Variants in TPM1 observed in about 807,000 individuals in gnomAD.
TPM1 encodes tropomyosin alpha-1 chain.
A neutral mutation model predicts 42.9 loss-of-function variants in TPM1; 24 were observed. The observed-to-expected ratio is 0.56, with a 90% confidence interval of 0.41 to 0.79. TPM1 has a LOEUF of 0.79. Among genes scored for constraint, TPM1 ranks in the 30% least tolerant of loss-of-function variants. The probability of loss-of-function intolerance (pLI) is 0.00; values close to 1 mark genes in which losing one functional copy is unlikely to be tolerated. For missense variants in TPM1, 158 were observed against 351.8 expected, an observed-to-expected ratio of 0.45 and a Z score of 4.41; for synonymous variants, 136 against 130.1, an observed-to-expected ratio of 1.05 and a Z score of -0.31.
At chr15:63,050,405 A>G (rs2033611482) in intron 2 of TPM1, among the ~76,000 whole-genome samples, 1 of 152,238 alleles carries the variant, frequency 6.6e-6, no homozygotes, top group Admixed American at 6.5e-5. Flanking sequence ...CACCCTGCTA[A>G]GAAAGAGTAT....
intron 3 of TPM1, among the ~76,000 whole-genome samples, chr15:63,058,099 C>G (rs906748078): frequency 6.6e-6 from 1 of 152,144 alleles, no homozygotes; most frequent in Non-Finnish European, 1.5e-5. Flanking sequence ...CATTATTCAC[C>G]GCTGCTTAGT....
At position 63,059,056 on chromosome 15, in the gene TPM1, A is replaced by G. The variant is rs563469719; in HGVS notation, c.375-507A>G. On this transcript the variant is annotated intron_variant, in intron 3 of 9. Transcript: ENST00000403994. ...AAATATCAGCATTCTTTGTGGACTT[A>G]ATAGTTTATTAAATCTAACATTAAG... Among the ~76,000 whole-genome samples, 13 of 152,350 alleles carry G rather than the reference A, an allele frequency of 8.5e-5. No homozygotes were observed. In the East Asian group the frequency reaches 1.9e-3, roughly 23 times the overall value.
chr15:63,062,415 T>C, intron 7 of TPM1, 138 bp downstream of exon 7: 1 of 1,228,528 alleles, frequency 8.1e-7, no homozygotes, highest in Non-Finnish European at 1.2e-6. Context: ...GTTTATGTAC[T>C]GTGCTAACTG....
intron 9 of TPM1, 60 bp from the exon 10 acceptor site, chr15:63,065,836 T>C: frequency 1.3e-6 from 2 of 1,496,942 alleles, no homozygotes; most frequent in Non-Finnish European, 9.0e-7. Flanking sequence ...TTCCTTTCTT[T>C]TTTTTTTTTT....
Position 63,042,936 on chromosome 15 carries a change from G to A in TPM1, c.107G>A (p.Ser36Asn), listed in dbSNP as rs1174194983. 6.3e-7 allele frequency: 1 copy of A among 1,599,606 alleles called. No individual in the cohort carries two copies. The highest frequency in any genetic ancestry group is 1.1e-5 in the South Asian group (1 of 89,136). ...GACAAGAAGGCGGCGGAAGACAGGA[G>A]CAAGCAGGTCTGCGCCTCCCCGGCC... ...EADKKAAEDR[S>N]KQLEDELVSL... Residue 36 changes from serine to asparagine, a missense_variant, in exon 1 of 10, where the codon AGC (serine) becomes AAC (asparagine). This residue lies in a region of TPM1 where 24 missense variants were observed against 26.8 expected (regional missense o/e 0.89). Coordinates refer to ENST00000403994, the MANE Select transcript of TPM1 (RefSeq NM_001018005.2).
chr15:63,070,355 C>T (rs2036546763), downstream of TPM1: 3 of 993,484 alleles, frequency 3.0e-6, no homozygotes, highest in Non-Finnish European at 3.6e-6. Context: ...ACTCATATTC[C>T]TAACTTCTAA....
intron 2 of TPM1, chr15:63,048,558 C>G: frequency 2.0e-6 from 3 of 1,521,002 alleles, no homozygotes; most frequent in Non-Finnish European, 2.6e-6. Context: ...CCCTCCCGCC[C>G]GCCTACCGTC....
At chr15:63,055,061 C>T (rs1448573021) in intron 2 of TPM1, among the ~76,000 whole-genome samples, 1 of 151,230 alleles carries the variant, frequency 6.6e-6, no homozygotes, top group East Asian at 1.9e-4. Flanking sequence ...TTAAAAGACA[C>T]TTCCCTATAA....
downstream of TPM1, among the ~76,000 whole-genome samples, chr15:63,066,424 G>A (rs1171161221): frequency 6.6e-6 from 1 of 152,218 alleles, no homozygotes; most frequent in Non-Finnish European, 1.5e-5. Flanking sequence ...CTTGTTGAGA[G>A]TTGAAAGGTC....
downstream of TPM1, among the ~76,000 whole-genome samples, chr15:63,066,497 T>G (rs1236228151): frequency 6.6e-6 from 1 of 152,134 alleles, no homozygotes; most frequent in Non-Finnish European, 1.5e-5. Context: ...CCCTCTGTGT[T>G]GATTATTTCG....
intron 9 of TPM1, 31 bp downstream of exon 9, chr15:63,064,173 C>T (rs1214090032): frequency 2.5e-6 from 4 of 1,607,950 alleles, no homozygotes; most frequent in Non-Finnish European, 3.4e-6. Context: ...CCTGCTTACA[C>T]CCTGCCCTCA....
chr15:63,045,557 G>A (rs1021207245), intron 2 of TPM1: 1 of 152,170 alleles, frequency 6.6e-6, no homozygotes, highest in African/African-American at 2.4e-5. Context: ...TTTCAAAAGA[G>A]CTGCTAATAG....
rs529327108 is a variant in TPM1 at position 63,065,674 on chromosome 15, C to T, written c.852-222C>T. On this transcript the variant is annotated intron_variant, in intron 9 of 9. Transcript: ENST00000403994. Reference sequence around the variant, plus strand: ...ATTTTTTTTGTTTTTAAATTCTGTTCATGGGTCTTCTTAAAATGGACCCTT... The same window carrying T: ...ATTTTTTTTGTTTTTAAATTCTGTTTATGGGTCTTCTTAAAATGGACCCTT... 5.1e-6 allele frequency: 5 copies of T among 979,650 alleles called. No individual in the cohort carries two copies. The South Asian group carries it at 1.4e-4, about 28-fold the overall frequency. The allele number at this position is 979,650 out of a possible 1,614,324, so 60.7% of individuals were successfully genotyped here.
At chr15:63,048,791 CGCAG>C in intron 2 of TPM1, 1 of 1,494,228 alleles carries the variant, frequency 6.7e-7, no homozygotes, top group Non-Finnish European at 9.0e-7. Context: ...CTTCCCCCCC[CGCAG>C]GCCCCGGTCC....
intron 2 of TPM1, among the ~76,000 whole-genome samples, chr15:63,053,386 T>TGATGTTCC (rs1163901028): frequency 6.6e-6 from 1 of 152,070 alleles, no homozygotes; most frequent in Non-Finnish European, 1.5e-5. Flanking sequence ...AAGGTTTCCG[T>TGATGTTCC]GATGTTCCGG....
downstream of TPM1, chr15:63,069,765 C>T (rs2141032144): frequency 7.0e-7 from 1 of 1,431,100 alleles, no homozygotes; most frequent in South Asian, 1.2e-5. Context: ...AGTTGCTGTC[C>T]TGCTTGAGGT....
At chr15:63,059,239 ATAT>A (rs1021226712) in intron 3 of TPM1, among the ~76,000 whole-genome samples, 2 of 152,214 alleles carry the variant, frequency 1.3e-5, no homozygotes, top group Admixed American at 6.5e-5. Flanking sequence ...ATAGTAAAGC[ATAT>A]TGGCTTTTCC....
chr15:63,052,579 T>A (rs2034106029), intron 2 of TPM1, among the ~76,000 whole-genome samples: 1 of 152,138 alleles, frequency 6.6e-6, no homozygotes, highest in Non-Finnish European at 1.5e-5. Context: ...GTGATTTACA[T>A]GCCTGCAAAT....
rs8030480 is a variant in TPM1, at chr15:63,053,131, C to A, written c.241-3854C>A. 2.8e-3 allele frequency among the ~76,000 whole-genome samples: 432 copies of A among 152,284 alleles called. 3 individuals carry two copies. The highest frequency in any genetic ancestry group is 9.8e-3 in the African/African-American group (408 of 41,550). On this transcript the variant is annotated intron_variant, in intron 2 of 9. Coordinates refer to ENST00000403994, the MANE Select transcript of TPM1 (RefSeq NM_001018005.2). ...GGCTAGGGAGTAAATGTTCCGTGTC[C>A]TTATGTGAGCTTCCTATTACCCATT... is the stretch of plus-strand genomic sequence containing the variant.
Sources: gnomAD v4.1 joint callset for allele counts (sites outside exome capture counted in the v4.1 genomes callset) on GRCh38, gnomAD v4.1.1 for gene constraint, gnomAD v4.1.1 regional missense constraint, MANE v1.5 for transcripts, NCBI Gene and HGNC (gene_info 2026-07-23, HGNC 2026-07-21) for gene names.